Variants in FLT4 observed in about 807,000 individuals in gnomAD.
FLT4 encodes fms related receptor tyrosine kinase 4.
Under a neutral mutation model 163.2 loss-of-function variants are expected in FLT4, and 30 were observed. The observed-to-expected ratio is 0.18, with a 90% CI of 0.14 to 0.25. The LOEUF is 0.25. Among genes scored for constraint, FLT4 ranks in the 10% least tolerant of loss-of-function variants. The pLI is 1.00. For missense variants in FLT4, 1,510 were observed against 1,863.8 expected (o/e 0.81, Z 3.50); for synonymous variants, 884 against 789.5 (o/e 1.12, Z -2.01).
Position 180,623,170 on chromosome 5 carries a change from G to A in FLT4, c.1549-331C>T, listed in dbSNP as rs1763307334. Among the ~76,000 whole-genome samples the A allele has an allele frequency of 6.6e-6, 1 of 152,200 alleles. No homozygotes were observed. The highest frequency in any genetic ancestry group is 2.4e-5 in the African/African-American group (1 of 41,460). ...ATGTTGAGGGGGCACCAGCGTCAGT[G>A]CAAGCCAGGGTGAGAATTCAGCCTG... On this transcript the variant is annotated intron_variant, in intron 11 of 29. Transcript: ENST00000261937. The surrounding 1 kb of genome is among the most constrained non-coding windows in gnomAD (Gnocchi z 5.8).
Position 180,616,373 on chromosome 5 carries a change from C to G in FLT4, c.3213G>C (p.Lys1071Asn). The G allele has an allele frequency of 6.2e-7, 1 of 1,614,000 alleles. No individual in the cohort carries two copies. Among genetic ancestry groups the G allele is most frequent in the Non-Finnish European group, 8.5e-7 (1 of 1,179,996 alleles). Residue 1071 changes from lysine to asparagine, a missense_variant, in exon 23 of 30, where the codon AAG (lysine) becomes AAC (asparagine). Physicochemically the swap from Lys to Asn is moderately conservative, Grantham distance 94 (BLOSUM62 0). Coordinates refer to ENST00000261937, the MANE Select transcript of FLT4 (RefSeq NM_182925.5). ...DIYKDPDYVR[K>N]GSARLPLKWM... is the part of the protein sequence containing the mutation. ...CTCAATGGCCTGCACTCACACTGCC[C>G]TTGCGGACGTAGTCGGGGTCTTTGT... is the stretch of plus-strand genomic sequence containing the variant.
chr5:180,616,807 GC>G, intron 22 of FLT4, 92 bp downstream of exon 22: 2 of 992,088 alleles, frequency 2.0e-6, no homozygotes, highest in Middle Eastern at 2.1e-4. Flanking sequence ...GGACCACAGA[GC>G]CATTGCAGGG....
chr5:180,607,886 CCT>C (rs1761887670), intron 29 of FLT4: 1 of 576,860 alleles, frequency 1.7e-6, no homozygotes, highest in Non-Finnish European at 3.1e-6. Flanking sequence ...AGAGGTGAGC[CCT>C]CTGTCACGCT....
At chr5:180,626,070 G>A (rs1223560030) in intron 9 of FLT4, 39 bp from the exon 10 acceptor site, 2 of 1,612,556 alleles carry the variant, frequency 1.2e-6, no homozygotes, top group African/African-American at 1.3e-5. Flanking sequence ...GGCCTCCAAT[G>A]CCAGGCCGCC....
rs138976496 is a variant in FLT4 at position 180,639,730 on chromosome 5, C to T, written c.59-7952G>A. Among the ~76,000 whole-genome samples, 464 of 152,266 alleles carry T rather than the reference C, an allele frequency of 3.0e-3. 1 individual carries two copies. The highest frequency in any genetic ancestry group is 0.011 in the African/African-American group (439 of 41,566). On this transcript the variant is annotated intron_variant, in intron 1 of 29. Coordinates refer to ENST00000261937, the MANE Select transcript of FLT4 (RefSeq NM_182925.5). ...GCAGATTCAGGCCTGCAGCCTGCCA[C>T]GTCCAGAGGCTCTGTGACTGCCCAG...
At chr5:180,632,688 CTGTG>C (rs1225869036) in intron 1 of FLT4, among the ~76,000 whole-genome samples, 1 of 151,952 alleles carries the variant, frequency 6.6e-6, no homozygotes, top group Non-Finnish European at 1.5e-5. Flanking sequence ...GTGTGTGAGT[CTGTG>C]TGTGCCTATG....
intron 8 of FLT4, 53 bp from the exon 9 acceptor site, chr5:180,626,318 C>A (rs939874598): frequency 1.1e-5 from 17 of 1,589,130 alleles, no homozygotes; most frequent in Non-Finnish European, 1.4e-5. Flanking sequence ...CAGCCCCAAC[C>A]TCATGCTGGC....
rs375577502 is a variant in FLT4 at position 180,628,872 on chromosome 5, G to C, written c.1103+10C>G. On this transcript the variant is annotated intron_variant, in intron 8 of 29. Coordinates refer to ENST00000261937, the MANE Select transcript of FLT4 (RefSeq NM_182925.5). ...TATCGGCGGGGTCGGTGGGGAGCCA[G>C]GGCTGTTACCACTGGAACTCGGGCG... 5.7e-6 allele frequency: 9 copies of C among 1,585,044 alleles called. No homozygotes were observed. The African/African-American group carries it at 1.2e-4, about 21-fold the overall frequency.
intron 1 of FLT4, among the ~76,000 whole-genome samples, chr5:180,641,629 G>A (rs1031445229): frequency 1.1e-4 from 16 of 152,184 alleles, no homozygotes; most frequent in African/African-American, 3.6e-4. Flanking sequence ...GGCCTCTGCA[G>A]GGACCTGGGG....
Position 180,620,359 on chromosome 5 carries a change from C to A in FLT4, c.2407-51G>T, listed in dbSNP as rs763933528. On this transcript the variant is annotated intron_variant, in intron 16 of 29. Transcript: ENST00000261937. This position sits in a 1 kb window ranked among gnomAD's most constrained non-coding sequence, Gnocchi z 4.4. ...GGGGCAGCTCACTGATTTGGCCATA[C>A]CACTGTGGCTTGGGCAGAACTTTGC... 1 of 1,604,512 alleles carries A rather than the reference C, an allele frequency of 6.2e-7. No individual in the cohort carries two copies. Among genetic ancestry groups the A allele is most frequent in the Non-Finnish European group, 8.5e-7 (1 of 1,178,420 alleles).
chr5:180,649,685 GC>G (rs925302261), upstream of FLT4: 83 of 248,666 alleles, frequency 3.3e-4, 2 homozygotes, highest in Non-Finnish European at 1.7e-4. Context: ...CGCTCCCCGC[GC>G]CCCCCTCCCC....
At chr5:180,633,402 C>G (rs1013348760) in intron 1 of FLT4, among the ~76,000 whole-genome samples, 18 of 152,220 alleles carry the variant, frequency 1.2e-4, no homozygotes, top group Non-Finnish European at 2.9e-5. Context: ...ACCACCGAGT[C>G]TTTGCTTTGC....
rs1761596286 is a variant in FLT4 at position 180,603,083 on chromosome 5, C to T, written c.*109G>A. On this transcript the variant is annotated 3_prime_UTR_variant, in exon 30 of 30. Coordinates refer to ENST00000261937, the MANE Select transcript of FLT4 (RefSeq NM_182925.5). ...GTCTGCAGAGAGGGAAGAGGACACT[C>T]CTGTGCCACCAGAGTTCAACCAGAT... 9.4e-7 allele frequency: 1 copy of T among 1,063,318 alleles called. No individual in the cohort carries two copies. The allele number at this position is 1,063,318 out of a possible 1,614,324, so 65.9% of individuals were successfully genotyped here.
intron 12 of FLT4, among the ~76,000 whole-genome samples, chr5:180,622,164 C>T (rs1031667747): frequency 4.6e-5 from 7 of 152,178 alleles, no homozygotes; most frequent in African/African-American, 7.2e-5. Flanking sequence ...TGTTCCCTGG[C>T]TTTTCCCAGT....
At chr5:180,615,397 GTCCCGCTGGTCA>G (rs1762585592) in intron 23 of FLT4, among the ~76,000 whole-genome samples, 1 of 119,474 alleles carries the variant, frequency 8.4e-6, no homozygotes. Context: ...GGAGCACTGG[GTCCCGCTGGTCA>G]CCTCCCTTCT....
chr5:180,622,266 CTCTGCTGGTGCCCTGATCTACA>C (rs1257819415), intron 12 of FLT4, among the ~76,000 whole-genome samples: 3 of 125,416 alleles, frequency 2.4e-5, no homozygotes, highest in South Asian at 2.9e-4. Flanking sequence ...GGCTCCATCT[CTCTGCTGGTGCCCTGATCTACA>C]TCTCTCTGCT....
intron 1 of FLT4, among the ~76,000 whole-genome samples, chr5:180,633,131 G>A (rs1764309975): frequency 6.6e-6 from 1 of 152,144 alleles, no homozygotes; most frequent in South Asian, 2.1e-4. Context: ...ACCCTGGGAC[G>A]CAGCACCAGG....
At chr5:180,613,474 G>C in intron 24 of FLT4, 1 of 276,446 alleles carries the variant, frequency 3.6e-6, no homozygotes, top group Non-Finnish European at 6.8e-6. Context: ...TGCTTCTCCT[G>C]CTGCTCCCCC....
intron 1 of FLT4, among the ~76,000 whole-genome samples, chr5:180,643,667 A>G (rs1581715012): frequency 6.6e-6 from 1 of 150,426 alleles, no homozygotes; most frequent in South Asian, 2.1e-4. Flanking sequence ...GCGGCTCCAG[A>G]CCTCCACGTG....
Sources: gnomAD v4.1 joint callset for allele counts (sites outside exome capture counted in the v4.1 genomes callset) on GRCh38, gnomAD v4.1.1 for gene constraint, Gnocchi (gnomAD v3.1) non-coding constraint, MANE v1.5 for transcripts, NCBI Gene and HGNC (gene_info 2026-07-23, HGNC 2026-07-21) for gene names.